The following TRPM2 variants were observed in gnomAD, a reference collection of about 807,000 sequenced individuals.
TRPM2 encodes the protein transient receptor potential cation channel subfamily M member 2, also known as estrogen-responsive element-associated gene 1 protein.
Under a neutral mutation model 174.0 loss-of-function variants are expected in TRPM2, and 161 were observed. The ratio of observed to expected loss-of-function variants is 0.93; its 90% CI spans 0.81 to 1.05. The LOEUF (loss-of-function observed/expected upper bound fraction) is 1.05. Among genes scored for constraint, TRPM2 ranks in the 50% least tolerant of loss-of-function variants. The pLI is 0.00. For missense variants in TRPM2, 2,057 were observed against 2,038.0 expected (o/e 1.01, Z -0.18); for synonymous variants, 954 against 861.3 (o/e 1.11, Z -1.88).
chr21:44,421,139 G>A (rs1353369791), intron 22 of TRPM2, among the ~76,000 whole-genome samples: 1 of 152,168 alleles, frequency 6.6e-6, no homozygotes, highest in Non-Finnish European at 1.5e-5. Context: ...CTAACATGGT[G>A]AAACCTCATC....
chr21:44,397,409 T>A (rs2049462135), intron 12 of TRPM2, among the ~76,000 whole-genome samples: 1 of 152,168 alleles, frequency 6.6e-6, no homozygotes, highest in Non-Finnish European at 1.5e-5. Flanking sequence ...GGGCCGAGTC[T>A]CACTGGGCAC....
intron 17 of TRPM2, 68 bp downstream of exon 17, chr21:44,405,328 C>T (rs1601169779): frequency 1.6e-5 from 26 of 1,593,546 alleles, no homozygotes; most frequent in Middle Eastern, 1.9e-4. Flanking sequence ...GAGCACAGGC[C>T]GGGCCCAGAA....
intron 9 of TRPM2, among the ~76,000 whole-genome samples, chr21:44,387,869 A>G (rs191708481): frequency 1.6e-3 from 251 of 152,372 alleles, no homozygotes; most frequent in African/African-American, 5.8e-3. Context: ...TAGGATAGCT[A>G]CTATAGAAAA....
At chr21:44,416,415 C>G (rs1352759624) in intron 20 of TRPM2, 1 of 152,696 alleles carries the variant, frequency 6.5e-6, no homozygotes, top group Non-Finnish European at 1.5e-5. Context: ...CTTCCGGCTC[C>G]CACTGCGGAG....
chr21:44,355,436 T>C (rs2048032297), intron 2 of TRPM2, among the ~76,000 whole-genome samples: 1 of 152,230 alleles, frequency 6.6e-6, no homozygotes, highest in South Asian at 2.1e-4. Context: ...TTCCTCCTTT[T>C]ACTCCATTGC....
chr21:44,427,243 G>T, intron 27 of TRPM2, 132 bp downstream of exon 27: 1 of 781,626 alleles, frequency 1.3e-6, no homozygotes, highest in Non-Finnish European at 2.0e-6. Flanking sequence ...CCACCGAAAG[G>T]AAGAAAACAT....
At position 44,428,290 on chromosome 21, in the gene TRPM2, G is replaced by A. The variant is rs542138088; in HGVS notation, c.3974+1179G>A. Among the ~76,000 whole-genome samples, 4 of 152,254 alleles carry A rather than the reference G, an allele frequency of 2.6e-5. No individual in the cohort carries two copies. The East Asian group carries it at 7.7e-4, about 29-fold the overall frequency. Reference sequence around the variant, plus strand: ...GGCTGATTGTATAAGGTGTGAGGAGGGGCCTGATTTATTTTGTGAATTCAC... The same window carrying A: ...GGCTGATTGTATAAGGTGTGAGGAGAGGCCTGATTTATTTTGTGAATTCAC... On this transcript the variant is annotated intron_variant, in intron 27 of 31. Coordinates refer to ENST00000397928, the MANE Select transcript of TRPM2 (RefSeq NM_003307.4).
In TRPM2 at chr21:44,439,865, C is replaced by T. The variant is rs377185001; in HGVS notation, c.4269+697C>T. Among the ~76,000 whole-genome samples, 16 of 152,150 alleles carry T rather than the reference C, an allele frequency of 1.1e-4. 1 individual carries two copies. Among genetic ancestry groups the T allele is most frequent in the East Asian group, 5.8e-4 (3 of 5,132 alleles). ...GCCTCCCAGGCAGCAGGGGCTGCAG[C>T]GGTGAGACACCACACCCGTCTAATA... On this transcript the variant is annotated intron_variant, in intron 30 of 31. Coordinates refer to ENST00000397928, the MANE Select transcript of TRPM2 (RefSeq NM_003307.4). This position sits in a 1 kb window ranked among gnomAD's most constrained non-coding sequence, Gnocchi z 5.1.
chr21:44,413,142 C>T (rs994595890), intron 19 of TRPM2, among the ~76,000 whole-genome samples: 11 of 151,958 alleles, frequency 7.2e-5, no homozygotes, highest in South Asian at 4.2e-4. Context: ...CTTGTCGATA[C>T]ATTGCCTCTG....
chr21:44,435,053 C>A (rs2051184522), intron 27 of TRPM2, 78 bp from the exon 28 acceptor site: 2 of 1,441,588 alleles, frequency 1.4e-6, no homozygotes, highest in Non-Finnish European at 1.9e-6. Context: ...CCCGCTGTCC[C>A]CTCTCAGTCC....
chr21:44,394,421 G>A (rs1451446618), intron 11 of TRPM2, among the ~76,000 whole-genome samples: 1 of 151,354 alleles, frequency 6.6e-6, no homozygotes, highest in Non-Finnish European at 1.5e-5. Flanking sequence ...CTGGGTTCAG[G>A]CCATTGTCTT....
intron 28 of TRPM2, 64 bp downstream of exon 28, chr21:44,435,281 C>T (rs1485671461): frequency 4.2e-5 from 65 of 1,560,734 alleles, no homozygotes; most frequent in Non-Finnish European, 5.4e-5. Context: ...TCACAAGGGG[C>T]GGCTGCCATT....
chr21:44,400,203 C>A (rs1602226744), intron 14 of TRPM2, 56 bp from the exon 15 acceptor site: 2 of 1,480,314 alleles, frequency 1.4e-6, no homozygotes, highest in Non-Finnish European at 1.9e-6. Context: ...AGCTGACGGG[C>A]ACCATCTGGG....
At chr21:44,380,937 T>C (rs764150259) in intron 8 of TRPM2, among the ~76,000 whole-genome samples, 8 of 151,768 alleles carry the variant, frequency 5.3e-5, no homozygotes, top group Non-Finnish European at 1.2e-4. Flanking sequence ...CGGGCTGAAG[T>C]CCAGGAGACT....
At chr21:44,408,913 C>A (rs1688686970) in intron 19 of TRPM2, among the ~76,000 whole-genome samples, 1 of 152,116 alleles carries the variant, frequency 6.6e-6, no homozygotes, top group Non-Finnish European at 1.5e-5. Flanking sequence ...GCCTTGGCCT[C>A]CCAAAGTGCT....
At chr21:44,353,367 C>T, upstream of TRPM2, 1 of 204,302 alleles carries the variant, frequency 4.9e-6, no homozygotes. Context: ...GGAGCTCTTT[C>T]TCTGGCCCTG....
In TRPM2 at chr21:44,441,876, T is replaced by A; in HGVS notation, c.*59T>A. On this transcript the variant is annotated 3_prime_UTR_variant, in exon 32 of 32. Transcript: ENST00000397928. The stretch of plus-strand genomic sequence containing the variant: ...GACGTTCCCCCCAGAAACCAGGGCT[T>A]CTCTCTCCTGAGCCTGGCCAGGACT... 6.5e-7 allele frequency: 1 copy of A among 1,529,118 alleles called. No individual in the cohort carries two copies. The highest frequency in any genetic ancestry group is 1.3e-5 in the South Asian group (1 of 78,426). The allele number at this position is 1,529,118 out of a possible 1,614,324, so 94.7% of individuals were successfully genotyped here. A position where few individuals can be genotyped will look rare whatever the true frequency, so the allele number is the denominator to read the frequency against.
Position 44,369,397 on chromosome 21 carries a change from C to T in TRPM2, c.771+54C>T, listed in dbSNP as rs112166277. ...CTAAGACCAGGGGTGTGGGTGAGGT[C>T]TGACTGGGCGCTGTGGGGAGCAGGT... On this transcript the variant is annotated intron_variant, in intron 5 of 31. Coordinates refer to ENST00000397928, the MANE Select transcript of TRPM2 (RefSeq NM_003307.4). 500 of 1,557,666 alleles carry T rather than the reference C, an allele frequency of 3.2e-4. 5 individuals are homozygous for T. In the African/African-American group the frequency reaches 5.7e-3, roughly 18 times the overall value.
At position 44,376,036 on chromosome 21, in the gene TRPM2, G is replaced by A; in HGVS notation, c.952+23G>A. On this transcript the variant is annotated intron_variant, in intron 6 of 31. Transcript: ENST00000397928. This position sits in a 1 kb window ranked among gnomAD's most constrained non-coding sequence, Gnocchi z 4.2. ...GAGGTAGGGGAGCTTGCTTTCGAGG[G>A]TGATTGGGCAGAGAGCACAGTGGGC... 6.2e-7 allele frequency: 1 copy of A among 1,607,376 alleles called. No homozygotes were observed. Among genetic ancestry groups the A allele is most frequent in the South Asian group, 1.1e-5 (1 of 90,552 alleles).
Sources: allele counts gnomAD v4.1 joint callset (sites outside exome capture counted in the v4.1 genomes callset), GRCh38; gene constraint gnomAD v4.1.1; non-coding constraint Gnocchi (gnomAD v3.1); transcripts MANE v1.5; gene names NCBI Gene and HGNC (gene_info 2026-07-23, HGNC 2026-07-21).